The following LRIG2 variants were observed in gnomAD, a reference collection of about 807,000 sequenced individuals.
LRIG2 encodes leucine-rich repeats and immunoglobulin-like domains protein 2.
LRIG2 carries 93 observed loss-of-function variants against 107.8 expected under a neutral mutation model. That is an observed-to-expected ratio of 0.86 (90% CI 0.73 to 1.03). LRIG2 has a LOEUF of 1.03. LRIG2 is among the 50% of genes least tolerant of loss of function. The probability of loss-of-function intolerance (pLI) is 0.00; values close to 1 mark genes in which losing one functional copy is unlikely to be tolerated. For missense variants in LRIG2, 1,226 were observed against 1,296.0 expected (o/e 0.95, Z 0.83); for synonymous variants, 471 against 470.6 (o/e 1.00, Z -0.01).
intron 16 of LRIG2, among the ~76,000 whole-genome samples, chr1:113,118,953 C>T (rs553043971): frequency 5.3e-5 from 8 of 152,150 alleles, no homozygotes; most frequent in African/African-American, 7.2e-5. Flanking sequence ...CGTGAGCCAC[C>T]GCACCCGGTA....
intron 9 of LRIG2, among the ~76,000 whole-genome samples, chr1:113,099,244 C>CTTTCTTTTTT (rs1553228726): frequency 8.5e-5 from 10 of 117,944 alleles, no homozygotes; most frequent in Admixed American, 4.1e-4. Context: ...TGGTTTTTTT[C>CTTTCTTTTTT]TTTTTTTTTT....
rs545728886 is a variant in LRIG2, at chr1:113,079,875, G to T, written c.239+6230G>T. ...CTCCCAAGTAGCTGGGATTACAGGC[G>T]CCCACCACCATGCCTAGCTAATTTT... On this transcript the variant is annotated intron_variant, in intron 1 of 17. Coordinates refer to ENST00000361127, the MANE Select transcript of LRIG2 (RefSeq NM_014813.3). Among the ~76,000 whole-genome samples the T allele has an allele frequency of 2.7e-5, 4 of 146,446 alleles. No homozygotes were observed. In the South Asian group the frequency reaches 6.7e-4, roughly 25 times the overall value.
intron 13 of LRIG2, 126 bp downstream of exon 13, chr1:113,110,688 A>C (rs1228178842): frequency 1.4e-6 from 1 of 736,200 alleles, no homozygotes. Context: ...TTGTCTTTTG[A>C]GTTGTGATAA....
chr1:113,107,887 G>A (rs1227504114), intron 12 of LRIG2, 130 bp downstream of exon 12: 13 of 764,556 alleles, frequency 1.7e-5, no homozygotes, highest in Non-Finnish European at 2.4e-5. Flanking sequence ...CATTAAAAAT[G>A]ATCACAGGCA....
At chr1:113,081,023 A>C (rs1184139389) in intron 1 of LRIG2, among the ~76,000 whole-genome samples, 1 of 151,346 alleles carries the variant, frequency 6.6e-6, no homozygotes, top group Non-Finnish European at 1.5e-5. Flanking sequence ...TTGTATTTTT[A>C]CTAGAGACGA....
chr1:113,090,562 G>T (rs1323542695), intron 1 of LRIG2, among the ~76,000 whole-genome samples: 13 of 151,346 alleles, frequency 8.6e-5, no homozygotes, highest in Admixed American at 8.6e-4. Context: ...TTTTGGCTGG[G>T]TGTGGTGTCT....
At chr1:113,098,898 A>C (rs1654183132) in intron 9 of LRIG2, 113 bp downstream of exon 9, 1 of 673,616 alleles carries the variant, frequency 1.5e-6, no homozygotes. Context: ...GCTTTCTGAC[A>C]CTCTGGGAGC....
At chr1:113,110,755 T>C (rs948072445) in intron 13 of LRIG2, among the ~76,000 whole-genome samples, 193 bp downstream of exon 13, 7 of 152,180 alleles carry the variant, frequency 4.6e-5, no homozygotes. Context: ...TGGTCTCTAA[T>C]TGGTCTTTGG....
chr1:113,110,949 A>T (rs1243652594), intron 13 of LRIG2, among the ~76,000 whole-genome samples: 2 of 152,012 alleles, frequency 1.3e-5, no homozygotes, highest in Non-Finnish European at 2.9e-5. Flanking sequence ...TTTGGGTCTA[A>T]TGGTCATTAT....
chr1:113,111,654 A>G (rs1223546544), intron 13 of LRIG2, among the ~76,000 whole-genome samples: 1 of 152,216 alleles, frequency 6.6e-6, no homozygotes, highest in Admixed American at 6.5e-5. Flanking sequence ...AAACAGCTTG[A>G]TTTATCTATT....
rs148025045 is a variant in LRIG2, at chr1:113,114,591, C to G, written c.2245C>G (p.Gln749Glu). 5 of 1,613,974 alleles carry G rather than the reference C, an allele frequency of 3.1e-6. No individual in the cohort carries two copies. The African/African-American group carries it at 6.7e-5, about 22-fold the overall frequency. Reference protein sequence around the residue: ...TERHFFAAANQLLIIVDAGLE... With the variant: ...TERHFFAAANELLIIVDAGLE... ...ACGACATTTCTTTGCTGCAGCCAAT[C>G]AGCTTCTCATCATTGTAGATGCCGG... The change falls in exon 15 of 18, where the codon CAG (glutamine) becomes GAG (glutamate). Residue 749 changes from glutamine to glutamate, a missense_variant. Coordinates refer to ENST00000361127, the MANE Select transcript of LRIG2 (RefSeq NM_014813.3).
At chr1:113,110,025 C>G (rs1165496952) in intron 12 of LRIG2, among the ~76,000 whole-genome samples, 3 of 152,160 alleles carry the variant, frequency 2.0e-5, no homozygotes, top group Non-Finnish European at 2.9e-5. Context: ...CAGGCTCTGC[C>G]ACTGACTGAC....
At chr1:113,120,791 T>A (rs1655214847) in intron 17 of LRIG2, among the ~76,000 whole-genome samples, 1 of 151,848 alleles carries the variant, frequency 6.6e-6, no homozygotes, top group South Asian at 2.1e-4. Flanking sequence ...ATTACAGGCA[T>A]GAGCCACTGT....
At chr1:113,097,956 C>T (rs1369941091) in intron 8 of LRIG2, among the ~76,000 whole-genome samples, 1 of 152,132 alleles carries the variant, frequency 6.6e-6, no homozygotes, top group Non-Finnish European at 1.5e-5. Context: ...CTCTTTACTG[C>T]TAATCACACA....
intron 1 of LRIG2, among the ~76,000 whole-genome samples, chr1:113,079,863 G>A (rs1189393403): frequency 6.8e-6 from 1 of 147,744 alleles, no homozygotes; most frequent in Non-Finnish European, 1.5e-5. Flanking sequence ...CCAAGTAGCT[G>A]GGATTACAGG....
chr1:113,096,775 A>G (rs930272383), intron 8 of LRIG2, among the ~76,000 whole-genome samples: 4 of 152,228 alleles, frequency 2.6e-5, no homozygotes, highest in Non-Finnish European at 4.4e-5. Context: ...GTTCACTGTT[A>G]CTGGTTTGCT....
intron 9 of LRIG2, among the ~76,000 whole-genome samples, chr1:113,099,545 TTTTG>T (rs1654220938): frequency 6.6e-6 from 1 of 152,100 alleles, no homozygotes; most frequent in African/African-American, 2.4e-5. Context: ...CAGCTAGTTT[TTTTG>T]TTTTTGTGTT....
intron 1 of LRIG2, among the ~76,000 whole-genome samples, chr1:113,074,644 C>T (rs1301803183): frequency 6.6e-6 from 1 of 152,180 alleles, no homozygotes; most frequent in East Asian, 1.9e-4. Flanking sequence ...CGCGGTGGCT[C>T]ACGCCTGTAA....
At chr1:113,081,146 A>G (rs1044004762) in intron 1 of LRIG2, among the ~76,000 whole-genome samples, 1 of 152,122 alleles carries the variant, frequency 6.6e-6, no homozygotes, top group Non-Finnish European at 1.5e-5. Context: ...TGGCCCAAAA[A>G]GTTATTACTA....
Sources: gnomAD v4.1 joint callset for allele counts (sites outside exome capture counted in the v4.1 genomes callset) on GRCh38, gnomAD v4.1.1 for gene constraint, MANE v1.5 for transcripts, NCBI Gene and HGNC (gene_info 2026-07-23, HGNC 2026-07-21) for gene names.